The following CRACD variants were observed in gnomAD, a reference collection of about 807,000 sequenced individuals.
CRACD encodes capping protein inhibiting regulator of actin dynamics.
Under a neutral mutation model 106.8 loss-of-function variants are expected in CRACD, and 56 were observed. The observed-to-expected ratio is 0.52, with a 90% CI of 0.42 to 0.66. The LOEUF (loss-of-function observed/expected upper bound fraction) is 0.66. Among genes scored for constraint, CRACD ranks in the 30% least tolerant of loss-of-function variants. The pLI is 0.00. For synonymous variants in CRACD, 754 were observed against 670.8 expected (o/e 1.12, Z -1.92); for missense variants, 1,730 against 1,623.2 (o/e 1.07, Z -1.13).
intron 1 of CRACD, among the ~76,000 whole-genome samples, chr4:56,121,222 T>C (rs1253887528): frequency 6.6e-6 from 1 of 152,208 alleles, no homozygotes; most frequent in Admixed American, 6.5e-5. Context: ...AAGATACTCA[T>C]ATTCAGTAAA....
chr4:56,233,049 AT>A (rs1387958723), intron 2 of CRACD, among the ~76,000 whole-genome samples: 2 of 151,886 alleles, frequency 1.3e-5, no homozygotes, highest in East Asian at 1.9e-4. Context: ...TTTGCAGAAC[AT>A]TTTTTTGTGT....
chr4:56,282,016 G>C (rs1343402097), intron 3 of CRACD, among the ~76,000 whole-genome samples: 1 of 152,174 alleles, frequency 6.6e-6, no homozygotes, highest in African/African-American at 2.4e-5. Context: ...GGAAGTTCAG[G>C]ATGAGCCTCT....
At position 56,224,122 on chromosome 4, in the gene CRACD, C is replaced by CT. The variant is rs554018209; in HGVS notation, c.-189+44701dup. Among the ~76,000 whole-genome samples the CT allele has an allele frequency of 1.9e-3, 285 of 150,474 alleles. 1 individual carries two copies. Among genetic ancestry groups the CT allele is most frequent in the African/African-American group, 5.2e-3 (215 of 41,096 alleles). On this transcript the variant is annotated intron_variant, in intron 2 of 10. Coordinates refer to ENST00000682029, the MANE Select transcript of CRACD (RefSeq NM_001393381.1). ...ACAGAGCTAGTTTCTTTTTATTACT[C>CT]TTTTTTTTTCAGAGTTTTCTTCGCT...
intron 1 of CRACD, among the ~76,000 whole-genome samples, chr4:56,149,047 C>T (rs1735494195): frequency 6.6e-6 from 1 of 152,170 alleles, no homozygotes. Context: ...AACTCCTGAC[C>T]TCAGGTGATC....
At chr4:56,144,360 A>G (rs368845756) in intron 1 of CRACD, among the ~76,000 whole-genome samples, 6 of 152,182 alleles carry the variant, frequency 3.9e-5, no homozygotes, top group South Asian at 2.1e-4. Flanking sequence ...TTCTCTGTTA[A>G]TGGAATCTCA....
chr4:56,120,853 GT>G (rs1337758628), intron 1 of CRACD, among the ~76,000 whole-genome samples: 1 of 152,164 alleles, frequency 6.6e-6, no homozygotes, highest in Non-Finnish European at 1.5e-5. Flanking sequence ...TTTGATTTGG[GT>G]TGTCCTGCCC....
At position 56,328,835 on chromosome 4, in the gene CRACD, C is replaced by T. The variant is rs1364194165; in HGVS notation, c.*1031C>T. On this transcript the variant is annotated 3_prime_UTR_variant, in exon 11 of 11. Transcript: ENST00000682029. ...TGAGACAGGAAAAATAATAAAACAACCCCCCAAGCCAGCCATTTATTACAA... is the reference window on the plus strand; with the variant it reads ...TGAGACAGGAAAAATAATAAAACAATCCCCCAAGCCAGCCATTTATTACAA... Among the ~76,000 whole-genome samples, 1 of 152,156 alleles carries T rather than the reference C, an allele frequency of 6.6e-6. No homozygotes were observed. Among genetic ancestry groups the T allele is most frequent in the Non-Finnish European group, 1.5e-5 (1 of 68,018 alleles).
chr4:56,216,135 AGAT>A (rs1738661457), intron 2 of CRACD: 1 of 152,198 alleles, frequency 6.6e-6, no homozygotes, highest in Non-Finnish European at 1.5e-5. Flanking sequence ...CGTTGCCACC[AGAT>A]GATGTCTTAA....
rs190510139 is a variant in CRACD at position 56,225,373 on chromosome 4, C to T, written c.-189+45943C>T. ...CCTCCCAAAGTGCTGGGATTACAGG[C>T]GTGAGCCACCATGCCAGCCTCAACA... On this transcript the variant is annotated intron_variant, in intron 2 of 10. Transcript: ENST00000682029. 3.0e-3 allele frequency among the ~76,000 whole-genome samples: 455 copies of T among 152,244 alleles called. 2 individuals carry two copies. The highest frequency in any genetic ancestry group is 8.7e-3 in the African/African-American group (360 of 41,540).
chr4:56,172,263 G>A (rs568817523), intron 1 of CRACD, among the ~76,000 whole-genome samples: 1 of 152,190 alleles, frequency 6.6e-6, no homozygotes, highest in South Asian at 2.1e-4. Context: ...CATTGTATTT[G>A]CCTGAAAAAC....
At position 56,313,346 on chromosome 4, in the gene CRACD, G is replaced by A. The variant is rs745705035; in HGVS notation, c.504G>A (p.Gln168=). The part of the protein sequence containing the change: ...KHKLAVKPKK[Q]RVSKKHRRLA... ...AGCTGGCTGTTAAGCCAAAAAAACAGAGGGTGTCAAAGAAGCACAGGCGCC... is the reference window on the plus strand; with the variant it reads ...AGCTGGCTGTTAAGCCAAAAAAACAAAGGGTGTCAAAGAAGCACAGGCGCC... Residue 168 remains glutamine, a synonymous_variant, in exon 7 of 11, where the codon CAG becomes CAA. Transcript: ENST00000682029. 6.2e-7 allele frequency: 1 copy of A among 1,614,174 alleles called. No individual in the cohort carries two copies. Among genetic ancestry groups the A allele is most frequent in the South Asian group, 1.1e-5 (1 of 91,082 alleles).
chr4:56,279,355 C>G (rs578502), intron 3 of CRACD, among the ~76,000 whole-genome samples: 71,898 of 151,956 alleles, frequency 0.47, 17,957 homozygotes, highest in African/African-American at 0.64. Context: ...TCGGAGTGAA[C>G]AGGCAACCTA....
chr4:56,299,439 G>C (rs1398594579), intron 4 of CRACD, among the ~76,000 whole-genome samples: 1 of 152,006 alleles, frequency 6.6e-6, no homozygotes, highest in Non-Finnish European at 1.5e-5. Context: ...GGAGGCCGAG[G>C]TGGGTGGACT....
chr4:56,284,718 C>G (rs1318439191), intron 3 of CRACD, among the ~76,000 whole-genome samples: 2 of 138,514 alleles, frequency 1.4e-5, no homozygotes, highest in African/African-American at 5.4e-5. Flanking sequence ...GAGTGAGACT[C>G]CGTCTCGAAA....
chr4:56,193,020 C>T (rs1420402301), intron 2 of CRACD, among the ~76,000 whole-genome samples: 2 of 152,136 alleles, frequency 1.3e-5, no homozygotes, highest in African/African-American at 4.8e-5. Context: ...TAAAGACATA[C>T]CCAAGACTGG....
At chr4:56,199,422 G>C (rs1737771216) in intron 2 of CRACD, among the ~76,000 whole-genome samples, 1 of 152,110 alleles carries the variant, frequency 6.6e-6, no homozygotes, top group African/African-American at 2.4e-5. Context: ...AGTGGCTCAT[G>C]CCTGTAATCC....
intron 2 of CRACD, among the ~76,000 whole-genome samples, chr4:56,243,977 A>AT (rs1740522525): frequency 1.3e-5 from 2 of 152,100 alleles, no homozygotes. Flanking sequence ...TATGTCCGTG[A>AT]GTTCAAAGAT....
At chr4:56,277,454 T>TA (rs144673146) in intron 3 of CRACD, among the ~76,000 whole-genome samples, 68,954 of 143,564 alleles carry the variant, frequency 0.48, 16,503 homozygotes, top group African/African-American at 0.6. Flanking sequence ...TCATGATTTA[T>TA]AAAAAAAAAA....
chr4:56,162,254 G>A (rs1560468072), intron 1 of CRACD, among the ~76,000 whole-genome samples: 2 of 151,866 alleles, frequency 1.3e-5, no homozygotes, highest in Non-Finnish European at 2.9e-5. Context: ...GAGTGCAGGG[G>A]TACAATCATA....
Sources: allele counts gnomAD v4.1 joint callset (sites outside exome capture counted in the v4.1 genomes callset), GRCh38; gene constraint gnomAD v4.1.1; transcripts MANE v1.5; gene names NCBI Gene and HGNC (gene_info 2026-07-23, HGNC 2026-07-21).